Variants in DPP6 observed in about 807,000 individuals in gnomAD.
DPP6 encodes dipeptidyl peptidase like 6, also known as A-type potassium channel modulatory protein DPP6.
DPP6 carries 69 observed loss-of-function variants against 122.6 expected under a neutral mutation model. The observed-to-expected ratio is 0.56, with a 90% CI of 0.46 to 0.69. The LOEUF (loss-of-function observed/expected upper bound fraction) is 0.69. DPP6 is among the 30% of genes least tolerant of loss of function. The pLI is 0.00. For missense variants in DPP6, 928 were observed against 1,116.9 expected (o/e 0.83, Z 2.41); for synonymous variants, 418 against 433.1 (o/e 0.97, Z 0.43).
chr7:153,863,469 T>TC, the DPP6 span, among the ~76,000 whole-genome samples: 1 of 152,114 alleles, frequency 6.6e-6, no homozygotes, highest in East Asian at 1.9e-4. Flanking sequence ...CCTCAGTCTT[T>TC]TTTTTTAACA....
At chr7:154,203,522 C>T (rs1274948991) in intron 1 of DPP6, among the ~76,000 whole-genome samples, 4 of 152,162 alleles carry the variant, frequency 2.6e-5, no homozygotes, top group Admixed American at 2.0e-4. Context: ...CTATCACTGC[C>T]CCTCCAGGTT....
the DPP6 span, among the ~76,000 whole-genome samples, chr7:153,832,930 C>T: frequency 8.6e-5 from 13 of 152,024 alleles, no homozygotes; most frequent in Admixed American, 5.9e-4. Flanking sequence ...CAAATGCCTC[C>T]CCTTGCACTC....
At chr7:154,443,281 T>G (rs1819535944) in intron 1 of DPP6, among the ~76,000 whole-genome samples, 1 of 152,194 alleles carries the variant, frequency 6.6e-6, no homozygotes, top group African/African-American at 2.4e-5. Flanking sequence ...CCTGCTTTTC[T>G]CTTCTCTTAG....
intron 1 of DPP6, among the ~76,000 whole-genome samples, chr7:154,362,486 C>T (rs1169400779): frequency 1.3e-5 from 2 of 152,138 alleles, no homozygotes; most frequent in Non-Finnish European, 2.9e-5. Flanking sequence ...ACCATCTTGG[C>T]TCACCACAAC....
intron 1 of DPP6, among the ~76,000 whole-genome samples, chr7:153,979,447 C>T (rs920031875): frequency 2.0e-5 from 3 of 152,220 alleles, no homozygotes; most frequent in African/African-American, 7.2e-5. Context: ...AGTTTTTGGG[C>T]TGAGGCAATG....
chr7:154,871,175 C>T (rs969195789), intron 18 of DPP6, among the ~76,000 whole-genome samples: 1 of 152,168 alleles, frequency 6.6e-6, no homozygotes, highest in Non-Finnish European at 1.5e-5. Context: ...GTCCCAGTAA[C>T]GCTTCCCAAG....
At chr7:154,055,608 G>A (rs924643987) in intron 1 of DPP6, 5 of 152,024 alleles carry the variant, frequency 3.3e-5, no homozygotes, top group Non-Finnish European at 5.9e-5. Flanking sequence ...ATTTTATTAC[G>A]TGTCTTGCAA....
Position 154,867,986 on chromosome 7 carries a change from C to T in DPP6, c.1715-9C>T. 1 of 1,586,762 alleles carries T rather than the reference C, an allele frequency of 6.3e-7. No individual in the cohort carries two copies. Among genetic ancestry groups the T allele is most frequent in the Non-Finnish European group, 8.6e-7 (1 of 1,166,374 alleles). On this transcript the variant is annotated splice_polypyrimidine_tract_variant and intron_variant, in intron 17 of 25. Coordinates refer to ENST00000377770, the MANE Select transcript of DPP6 (RefSeq NM_130797.4). ...GCATCTCAGTGTGTCCCTGTTTCCT[C>T]TCTTTCAGAAATGTTTGACCTAGAA...
chr7:154,251,458 G>A (rs186271004), intron 1 of DPP6, among the ~76,000 whole-genome samples: 98 of 152,318 alleles, frequency 6.4e-4, no homozygotes, highest in African/African-American at 2.3e-3. Context: ...TCTCTAGAGG[G>A]ACAGAACTAA....
chr7:153,882,934 A>C (rs1798794134), upstream of DPP6, among the ~76,000 whole-genome samples: 1 of 152,220 alleles, frequency 6.6e-6, no homozygotes, highest in African/African-American at 2.4e-5. Context: ...GGCAGATTCT[A>C]TGTGACCAAA....
At chr7:154,432,137 A>G (rs1818479428) in intron 1 of DPP6, among the ~76,000 whole-genome samples, 1 of 152,236 alleles carries the variant, frequency 6.6e-6, no homozygotes, top group African/African-American at 2.4e-5. Flanking sequence ...CAGTACAAGT[A>G]GTTTAGCTTT....
chr7:154,532,866 C>G (rs1227049896), intron 3 of DPP6, among the ~76,000 whole-genome samples: 2 of 152,090 alleles, frequency 1.3e-5, no homozygotes, highest in Non-Finnish European at 2.9e-5. Context: ...ACAAAGGTCT[C>G]TCTGCCCTTC....
At chr7:154,525,530 G>A (rs557936679) in intron 3 of DPP6, among the ~76,000 whole-genome samples, 6 of 152,060 alleles carry the variant, frequency 3.9e-5, no homozygotes, top group East Asian at 1.9e-4. Flanking sequence ...TAACATTAAC[G>A]GAATTGTTTA....
At chr7:154,184,037 A>G (rs573878540) in intron 1 of DPP6, among the ~76,000 whole-genome samples, 2 of 152,242 alleles carry the variant, frequency 1.3e-5, no homozygotes, top group African/African-American at 4.8e-5. Flanking sequence ...TGAGTAGCCA[A>G]ACTTAGCGGT....
intron 8 of DPP6, among the ~76,000 whole-genome samples, chr7:154,750,120 C>T (rs1843299661): frequency 6.6e-6 from 1 of 152,174 alleles, no homozygotes; most frequent in African/African-American, 2.4e-5. Flanking sequence ...TGCTCCTGGC[C>T]TGTGTGTGTC....
the DPP6 span, among the ~76,000 whole-genome samples, chr7:153,821,961 A>G: frequency 7.0e-4 from 107 of 152,246 alleles, no homozygotes; most frequent in African/African-American, 2.4e-3. Context: ...CTACAGCGCA[A>G]GCCTCTCCAG....
the DPP6 span, among the ~76,000 whole-genome samples, chr7:153,769,860 G>A: frequency 2.0e-5 from 3 of 152,208 alleles, no homozygotes; most frequent in Non-Finnish European, 4.4e-5. Flanking sequence ...TTCAGATCAA[G>A]TCAGACGTCA....
At position 154,371,927 on chromosome 7, in the gene DPP6, G is replaced by A. The variant is rs138578996; in HGVS notation, c.244-74287G>A. Among the ~76,000 whole-genome samples the A allele has an allele frequency of 2.9e-3, 434 of 152,250 alleles. 1 individual carries two copies. Among genetic ancestry groups the A allele is most frequent in the Middle Eastern group, 6.8e-3 (2 of 294 alleles). ...GACATACCGGGAAGCCAGAGGGGCC[G>A]TCGTCCTGGTTTTATGATGCGGGCA... is the stretch of plus-strand genomic sequence containing the variant. On this transcript the variant is annotated intron_variant, in intron 1 of 25. Coordinates refer to ENST00000377770, the MANE Select transcript of DPP6 (RefSeq NM_130797.4).
the DPP6 span, among the ~76,000 whole-genome samples, chr7:153,785,014 A>G: frequency 2.4e-4 from 37 of 152,356 alleles, no homozygotes; most frequent in African/African-American, 8.2e-4. Flanking sequence ...CAGGTAATGC[A>G]TAAATGCAGC....
Sources: gnomAD v4.1 joint callset for allele counts (sites outside exome capture counted in the v4.1 genomes callset) on GRCh38, gnomAD v4.1.1 for gene constraint, MANE v1.5 for transcripts, NCBI Gene and HGNC (gene_info 2026-07-23, HGNC 2026-07-21) for gene names.